Variants in CACNA2D3 observed in about 807,000 individuals in gnomAD.
CACNA2D3 encodes voltage-dependent calcium channel subunit alpha-2/delta-3.
In CACNA2D3, 60 loss-of-function variants were observed where a neutral mutation model predicts 160.6. The observed-to-expected ratio is 0.37, with a 90% CI of 0.30 to 0.46. The LOEUF (loss-of-function observed/expected upper bound fraction) is 0.46, where lower values mean the gene tolerates loss of function less well. Among genes scored for constraint, CACNA2D3 ranks in the 20% least tolerant of loss-of-function variants. The probability of loss-of-function intolerance (pLI) is 1.00; values close to 1 mark genes in which losing one functional copy is unlikely to be tolerated. For missense variants in CACNA2D3, 1,205 were observed against 1,365.0 expected, an observed-to-expected ratio of 0.88 and a Z score of 1.85; for synonymous variants, 558 against 492.9, an observed-to-expected ratio of 1.13 and a Z score of -1.75.
At chr3:54,820,150 A>G (rs546346421) in intron 14 of CACNA2D3, among the ~76,000 whole-genome samples, 4 of 152,250 alleles carry the variant, frequency 2.6e-5, no homozygotes, top group South Asian at 2.1e-4. Context: ...CATACGTTGT[A>G]CCATATGGTG....
At chr3:54,636,752 A>G (rs1244965064) in intron 10 of CACNA2D3, among the ~76,000 whole-genome samples, 1 of 151,990 alleles carries the variant, frequency 6.6e-6, no homozygotes, top group Admixed American at 6.5e-5. Flanking sequence ...GGACACGATC[A>G]GCAGGGAAAG....
Position 54,387,078 on chromosome 3 carries a change from T to C in CACNA2D3, c.381+304T>C, listed in dbSNP as rs562877964. Among the ~76,000 whole-genome samples, 9 of 152,290 alleles carry C rather than the reference T, an allele frequency of 5.9e-5. No homozygotes were observed. The East Asian group carries it at 1.5e-3, about 26-fold the overall frequency. ...AATCACCAGATCTCTCAATGGTGAA[T>C]TGATAAGATAGCAGAATACATCCAA... On this transcript the variant is annotated intron_variant, in intron 4 of 37. Coordinates refer to ENST00000474759, the MANE Select transcript of CACNA2D3 (RefSeq NM_018398.3).
At chr3:54,784,675 G>A (rs1702600506) in intron 13 of CACNA2D3, among the ~76,000 whole-genome samples, 2 of 152,080 alleles carry the variant, frequency 1.3e-5, no homozygotes, top group Admixed American at 1.3e-4. Context: ...ATGAAAGAGG[G>A]GAAGAACAGA....
chr3:54,277,196 C>T (rs947649256), intron 2 of CACNA2D3, among the ~76,000 whole-genome samples: 1 of 152,214 alleles, frequency 6.6e-6, no homozygotes, highest in Non-Finnish European at 1.5e-5. Context: ...TTTTTAAAAT[C>T]CCGCCAGTGC....
At chr3:54,674,826 A>G (rs1329540191) in intron 11 of CACNA2D3, among the ~76,000 whole-genome samples, 1 of 152,208 alleles carries the variant, frequency 6.6e-6, no homozygotes, top group African/African-American at 2.4e-5. Context: ...TAGGGAATGC[A>G]GTATTGACAA....
intron 4 of CACNA2D3, among the ~76,000 whole-genome samples, chr3:54,452,142 T>C (rs1205052005): frequency 6.6e-6 from 1 of 152,216 alleles, no homozygotes; most frequent in Non-Finnish European, 1.5e-5. Flanking sequence ...GGGTAACTTA[T>C]CAAGGAAAGA....
chr3:54,412,557 G>A (rs180805245), intron 4 of CACNA2D3, among the ~76,000 whole-genome samples: 7 of 137,272 alleles, frequency 5.1e-5, no homozygotes, highest in African/African-American at 1.1e-4. Flanking sequence ...TTTATATGGT[G>A]TATCTTTTTT....
chr3:54,927,357 C>T (rs1403096713), intron 27 of CACNA2D3, among the ~76,000 whole-genome samples: 1 of 152,166 alleles, frequency 6.6e-6, no homozygotes, highest in African/African-American at 2.4e-5. Context: ...TATCAAAGAG[C>T]AAAACCACTG....
intron 27 of CACNA2D3, among the ~76,000 whole-genome samples, chr3:54,905,035 A>C (rs994077681): frequency 1.3e-5 from 2 of 152,212 alleles, no homozygotes; most frequent in Admixed American, 1.3e-4. Flanking sequence ...TCACATCAGC[A>C]GATAAAAAGG....
At chr3:54,968,158 G>A (rs1261586676) in intron 27 of CACNA2D3, among the ~76,000 whole-genome samples, 1 of 152,042 alleles carries the variant, frequency 6.6e-6, no homozygotes, top group African/African-American at 2.4e-5. Context: ...GTGTTGGGGT[G>A]GGGGTAGGGG....
At chr3:54,539,209 C>T (rs905250780) in intron 5 of CACNA2D3, among the ~76,000 whole-genome samples, 4 of 152,214 alleles carry the variant, frequency 2.6e-5, no homozygotes, top group African/African-American at 9.6e-5. Flanking sequence ...TCAGTTTCCT[C>T]ATTTGTAAGT....
At chr3:54,671,526 A>G (rs1208629809) in intron 11 of CACNA2D3, among the ~76,000 whole-genome samples, 1 of 152,168 alleles carries the variant, frequency 6.6e-6, no homozygotes, top group Non-Finnish European at 1.5e-5. Context: ...AAAAGTGACA[A>G]GGAGAACAGA....
chr3:54,474,644 A>G (rs1440789536), intron 4 of CACNA2D3, among the ~76,000 whole-genome samples: 2 of 151,938 alleles, frequency 1.3e-5, no homozygotes, highest in Non-Finnish European at 2.9e-5. Context: ...AAAAGGAAGA[A>G]GGAAAGATTA....
intron 2 of CACNA2D3, among the ~76,000 whole-genome samples, chr3:54,136,073 C>G (rs536442092): frequency 1.3e-5 from 2 of 152,324 alleles, no homozygotes; most frequent in East Asian, 3.9e-4. Flanking sequence ...GAAATCTGTT[C>G]TAGTTTATGC....
At chr3:54,553,382 G>T (rs999298476) in intron 5 of CACNA2D3, among the ~76,000 whole-genome samples, 2 of 152,146 alleles carry the variant, frequency 1.3e-5, no homozygotes, top group Non-Finnish European at 2.9e-5. Context: ...TCCAACACAC[G>T]GCACAGAAGA....
intron 11 of CACNA2D3, among the ~76,000 whole-genome samples, chr3:54,699,259 G>A (rs1379482631): frequency 2.0e-5 from 3 of 152,182 alleles, no homozygotes; most frequent in East Asian, 1.9e-4. Context: ...GAGAGAATCA[G>A]GAGGAGGAAG....
rs1233082173 is a variant in CACNA2D3 at position 54,887,953 on chromosome 3, C to A, written c.2057-6C>A. The A allele has an allele frequency of 3.1e-6, 5 of 1,612,794 alleles. No homozygotes were observed. The South Asian group carries it at 4.4e-5, about 14-fold the overall frequency. The stretch of plus-strand genomic sequence containing the variant: ...GAAGCATCCTCTTGTCTGTCCCTCC[C>A]AACAGGTGATAAAGAATTGATCCAA... On this transcript the variant is annotated splice_region_variant and splice_polypyrimidine_tract_variant and intron_variant, in intron 23 of 37. Transcript: ENST00000474759.
intron 27 of CACNA2D3, chr3:54,901,071 T>C (rs979611179): frequency 7.2e-5 from 11 of 152,362 alleles, no homozygotes; most frequent in African/African-American, 2.6e-4. Context: ...TGTCACTTAA[T>C]GTCTCATGTT....
intron 35 of CACNA2D3, among the ~76,000 whole-genome samples, chr3:55,043,572 A>G (rs1479177334): frequency 1.3e-5 from 2 of 152,058 alleles, no homozygotes; most frequent in East Asian, 3.8e-4. Flanking sequence ...ATCCTTTGTA[A>G]AAACATGGCC....
Sources: gnomAD v4.1 joint callset for allele counts (sites outside exome capture counted in the v4.1 genomes callset) on GRCh38, gnomAD v4.1.1 for gene constraint, MANE v1.5 for transcripts, NCBI Gene and HGNC (gene_info 2026-07-23, HGNC 2026-07-21) for gene names.